MAP2K4: variants seen among roughly 807,000 people sequenced by gnomAD.
The protein encoded by MAP2K4 is mitogen-activated protein kinase kinase 4, also known as dual specificity mitogen-activated protein kinase kinase 4.
A neutral mutation model predicts 48.5 loss-of-function variants in MAP2K4; 4 were observed. The observed-to-expected ratio is 0.08, with a 90% confidence interval of 0.04 to 0.19. MAP2K4 has a LOEUF of 0.19. Ranked by LOEUF, MAP2K4 falls within the 10% of genes least tolerant of loss-of-function variation. The pLI, the probability that MAP2K4 is intolerant of heterozygous loss-of-function variation, is 1.00. For synonymous variants in MAP2K4, 166 were observed against 173.1 expected, an observed-to-expected ratio of 0.96 and a Z score of 0.32; for missense variants, 258 against 493.3, an observed-to-expected ratio of 0.52 and a Z score of 4.52.
chr17:12,114,387 GGTGTGTGTGTGTGT>G (rs61666948), intron 7 of MAP2K4, among the ~76,000 whole-genome samples: 33,957 of 149,224 alleles, frequency 0.23, 3,934 homozygotes, highest in Middle Eastern at 0.27. Flanking sequence ...ATGTAAAAGC[GGTGTGTGTGTGTGT>G]GTGTGTGTGT....
chr17:12,054,918 G>A lies in MAP2K4; in HGVS notation c.145G>A (p.Ala49Thr). The change falls in exon 2 of 11, where the codon GCA becomes ACA. Residue 49 changes from alanine (A) to threonine (T), a missense_variant. Around this residue, in one of 3 missense-constraint regions of MAP2K4, gnomAD observed 132 missense variants for 352.8 expected, o/e 0.37. Coordinates refer to ENST00000353533, the MANE Select transcript of MAP2K4 (RefSeq NM_003010.4). The stretch of plus-strand genomic sequence containing the variant: ...ACGCAAAGCACTGAAGTTGAATTTT[G>A]CAAATCCACCTTTCAAATCTACAGC... ...GKRKALKLNFANPPFKSTARF... is the reference protein window; with the variant it reads ...GKRKALKLNFTNPPFKSTARF... 1 of 1,611,782 alleles carries A rather than the reference G, an allele frequency of 6.2e-7. No homozygotes were observed.
chr17:12,113,393 A>G (rs757226395), intron 7 of MAP2K4, 33 bp downstream of exon 7: 1 of 1,608,842 alleles, frequency 6.2e-7, no homozygotes, highest in Non-Finnish European at 8.5e-7. Context: ...CTTGCTTGAT[A>G]GTCATTGCAC....
chr17:12,116,698 A>C (rs977138758), intron 7 of MAP2K4, among the ~76,000 whole-genome samples: 1 of 152,184 alleles, frequency 6.6e-6, no homozygotes, highest in Non-Finnish European at 1.5e-5. Flanking sequence ...TGTCTTCTAC[A>C]TCCACATCTT....
chr17:12,074,034 A>G (rs1312843743), intron 2 of MAP2K4, among the ~76,000 whole-genome samples: 1 of 152,044 alleles, frequency 6.6e-6, no homozygotes, highest in Admixed American at 6.5e-5. Flanking sequence ...GGCCTCCCAA[A>G]GTGCGGGGAC....
intron 3 of MAP2K4, among the ~76,000 whole-genome samples, chr17:12,084,226 A>G (rs1015219121): frequency 6.6e-6 from 1 of 152,190 alleles, no homozygotes; most frequent in African/African-American, 2.4e-5. Flanking sequence ...ATCAGTTTTG[A>G]TATAATCAGA....
At chr17:12,027,820 T>C (rs1245235810) in intron 1 of MAP2K4, among the ~76,000 whole-genome samples, 1 of 146,504 alleles carries the variant, frequency 6.8e-6, no homozygotes, top group Non-Finnish European at 1.5e-5. Flanking sequence ...CCAGGGCTGT[T>C]TGGAGTCCTT....
At chr17:12,042,665 T>C (rs1015290068) in intron 1 of MAP2K4, among the ~76,000 whole-genome samples, 4 of 137,926 alleles carry the variant, frequency 2.9e-5, no homozygotes, top group African/African-American at 7.8e-5. Context: ...CAAAAAACTG[T>C]GATTCACTAT....
chr17:12,021,332 GC>G (rs1969039031), intron 1 of MAP2K4: 1 of 168,854 alleles, frequency 5.9e-6, no homozygotes, highest in South Asian at 2.0e-4. Context: ...CCTGGCGCCC[GC>G]CCGGCCCCCG....
intron 4 of MAP2K4, among the ~76,000 whole-genome samples, chr17:12,097,986 G>A (rs1009830957): frequency 4.6e-5 from 7 of 152,160 alleles, no homozygotes; most frequent in African/African-American, 7.2e-5. Flanking sequence ...AATGCAGTCT[G>A]TAATAGGTAC....
intron 1 of MAP2K4, among the ~76,000 whole-genome samples, chr17:12,030,628 T>C (rs893360642): frequency 6.6e-6 from 1 of 152,224 alleles, no homozygotes; most frequent in Non-Finnish European, 1.5e-5. Flanking sequence ...TAATATATTA[T>C]ACACTTATTA....
chr17:12,131,062 A>G (rs1470660044), intron 9 of MAP2K4, among the ~76,000 whole-genome samples: 1 of 152,170 alleles, frequency 6.6e-6, no homozygotes, highest in Admixed American at 6.5e-5. Context: ...GAATATAAAC[A>G]GATATGCACT....
chr17:12,051,817 T>C (rs1018537488), intron 1 of MAP2K4, among the ~76,000 whole-genome samples: 1 of 152,016 alleles, frequency 6.6e-6, no homozygotes, highest in Non-Finnish European at 1.5e-5. Context: ...TCGGTTTTGA[T>C]TTTTTTGAGG....
chr17:12,113,431 C>T, intron 7 of MAP2K4, 71 bp downstream of exon 7: 2 of 1,543,934 alleles, frequency 1.3e-6, no homozygotes, highest in Non-Finnish European at 1.8e-6. Context: ...TTGTGCTGGC[C>T]ATTAGTCATA....
At chr17:12,073,719 A>C (rs906361364) in intron 2 of MAP2K4, among the ~76,000 whole-genome samples, 5 of 151,872 alleles carry the variant, frequency 3.3e-5, no homozygotes, top group Non-Finnish European at 7.4e-5. Flanking sequence ...CCATCACCAT[A>C]GTCAAGTTAA....
chr17:12,062,638 T>G (rs1165864360), intron 2 of MAP2K4, among the ~76,000 whole-genome samples: 2 of 152,204 alleles, frequency 1.3e-5, no homozygotes, highest in African/African-American at 4.8e-5. Context: ...TGAAAATGTC[T>G]TTAAATAAAT....
At position 12,078,413 on chromosome 17, in the gene MAP2K4, T is replaced by G. The variant is rs569099396; in HGVS notation, c.219-2943T>G. Among the ~76,000 whole-genome samples the G allele has an allele frequency of 2.6e-5, 4 of 152,296 alleles. No homozygotes were observed. In the South Asian group the frequency reaches 6.2e-4, roughly 24 times the overall value. On this transcript the variant is annotated intron_variant, in intron 2 of 10. Transcript: ENST00000353533. Reference sequence around the variant, plus strand: ...TTGGGGGGTACATGGTGTATATATTTATGGAGTATGTGAGATGTTTTGATA... The same window carrying G: ...TTGGGGGGTACATGGTGTATATATTGATGGAGTATGTGAGATGTTTTGATA...
At chr17:12,071,394 G>A (rs1207364998) in intron 2 of MAP2K4, among the ~76,000 whole-genome samples, 1 of 152,098 alleles carries the variant, frequency 6.6e-6, no homozygotes, top group Non-Finnish European at 1.5e-5. Flanking sequence ...TCAAAGGCAA[G>A]GTGATAGAGG....
At chr17:12,030,386 G>A (rs148867009) in intron 1 of MAP2K4, among the ~76,000 whole-genome samples, 6 of 152,084 alleles carry the variant, frequency 3.9e-5, no homozygotes, top group East Asian at 3.9e-4. Flanking sequence ...CCCAGAATTC[G>A]TTCACCTGGT....
In MAP2K4 at chr17:12,113,340, G is replaced by C; in HGVS notation, c.793G>C (p.Gly265Arg). ...CTCTATTGCCAAGACAAGAGATGCT[G>C]GCTGTAGGCCATACATGGCAGTAAG... ...VDSIAKTRDA[G>R]CRPYMAPERI... Residue 265 changes from glycine to arginine, a missense_variant, in exon 7 of 11, where the codon GGC becomes CGC. Physicochemically the swap from Gly to Arg is moderately radical, Grantham distance 125. Coordinates refer to ENST00000353533, the MANE Select transcript of MAP2K4 (RefSeq NM_003010.4). The C allele has an allele frequency of 6.2e-7, 1 of 1,613,768 alleles. No individual in the cohort carries two copies. The highest frequency in any genetic ancestry group is 8.5e-7 in the Non-Finnish European group (1 of 1,179,746).
Sources: gnomAD v4.1 joint callset for allele counts (sites outside exome capture counted in the v4.1 genomes callset) on GRCh38, gnomAD v4.1.1 for gene constraint, gnomAD v4.1.1 regional missense constraint, MANE v1.5 for transcripts, NCBI Gene and HGNC (gene_info 2026-07-23, HGNC 2026-07-21) for gene names.